The following ERICH6B variants were observed in gnomAD, a reference collection of about 807,000 sequenced individuals.
ERICH6B encodes glutamate-rich protein 6B.
A neutral mutation model predicts 80.0 loss-of-function variants in ERICH6B; 69 were observed. The observed-to-expected ratio is 0.86, with a 90% CI of 0.71 to 1.05. ERICH6B has a LOEUF of 1.05. Ranked by LOEUF, ERICH6B falls within the 50% of genes least tolerant of loss-of-function variation. The probability of loss-of-function intolerance (pLI) is 0.00; values close to 1 mark genes in which losing one functional copy is unlikely to be tolerated. For synonymous variants in ERICH6B, 283 were observed against 291.9 expected, an observed-to-expected ratio of 0.97 and a Z score of 0.31; for missense variants, 754 against 796.1, an observed-to-expected ratio of 0.95 and a Z score of 0.64.
chr13:45,582,722 G>A (rs1456720752), intron 5 of ERICH6B, among the ~76,000 whole-genome samples: 1 of 152,148 alleles, frequency 6.6e-6, no homozygotes, highest in Non-Finnish European at 1.5e-5. Flanking sequence ...TCAGTTATTA[G>A]TGATGACATC....
Position 45,556,412 on chromosome 13 carries a change from T to C in ERICH6B, c.1407+4957A>G, listed in dbSNP as rs74862534. 4.9e-3 allele frequency among the ~76,000 whole-genome samples: 753 copies of C among 152,332 alleles called. 4 individuals carry two copies. Among genetic ancestry groups the C allele is most frequent in the African/African-American group, 0.017 (724 of 41,570 alleles). On this transcript the variant is annotated intron_variant, in intron 11 of 14. Coordinates refer to ENST00000298738, the MANE Select transcript of ERICH6B (RefSeq NM_182542.3). Reference sequence around the variant, plus strand: ...CACTCTCAATTACTCTAATTTTTTTTCCCATAGGTTTTTGGGGAACAGGTG... The same window carrying C: ...CACTCTCAATTACTCTAATTTTTTTCCCCATAGGTTTTTGGGGAACAGGTG...
intron 9 of ERICH6B, among the ~76,000 whole-genome samples, chr13:45,566,095 C>G (rs147341183): frequency 6.6e-6 from 1 of 152,092 alleles, no homozygotes; most frequent in East Asian, 1.9e-4. Context: ...CATTTTTGCC[C>G]CTGCCCTAGA....
intron 3 of ERICH6B, among the ~76,000 whole-genome samples, chr13:45,594,650 C>A (rs1046886842): frequency 6.6e-6 from 1 of 152,166 alleles, no homozygotes; most frequent in African/African-American, 2.4e-5. Context: ...GATGGTACAT[C>A]TGATTTGATG....
intron 3 of ERICH6B, among the ~76,000 whole-genome samples, chr13:45,591,735 C>T (rs560003903): frequency 3.3e-5 from 5 of 152,224 alleles, no homozygotes; most frequent in African/African-American, 1.2e-4. Flanking sequence ...AAAAACCAAA[C>T]CACACAACAA....
intron 1 of ERICH6B, among the ~76,000 whole-genome samples, chr13:45,612,697 C>A (rs1949906652): frequency 6.6e-6 from 1 of 152,166 alleles, no homozygotes; most frequent in Non-Finnish European, 1.5e-5. Flanking sequence ...GCTGACCTCC[C>A]TAAAGAATCA....
intron 2 of ERICH6B, among the ~76,000 whole-genome samples, chr13:45,603,824 TG>T (rs1314692155): frequency 2.0e-5 from 3 of 152,222 alleles, no homozygotes; most frequent in African/African-American, 7.2e-5. Flanking sequence ...ATTTGTGGTG[TG>T]TGCTGTCTTG....
chr13:45,566,158 A>T (rs1476631749), intron 9 of ERICH6B, among the ~76,000 whole-genome samples: 1 of 152,226 alleles, frequency 6.6e-6, no homozygotes, highest in Non-Finnish European at 1.5e-5. Flanking sequence ...CTGGTGGAAG[A>T]AATTTCTAAG....
chr13:45,593,878 G>A (rs1593323787), intron 3 of ERICH6B, among the ~76,000 whole-genome samples: 1 of 152,328 alleles, frequency 6.6e-6, no homozygotes, highest in East Asian at 1.9e-4. Flanking sequence ...CAGCATGAGA[G>A]ATAAGCCCAT....
chr13:45,588,157 G>A (rs556101267), intron 4 of ERICH6B, among the ~76,000 whole-genome samples: 3 of 152,332 alleles, frequency 2.0e-5, no homozygotes, highest in Non-Finnish European at 4.4e-5. Context: ...TGGGGTAAGG[G>A]CTGGAGTCTG....
Position 45,579,930 on chromosome 13 carries a change from C to T in ERICH6B, c.961+3G>A. 3 of 1,551,840 alleles carry T rather than the reference C, an allele frequency of 1.9e-6. No individual in the cohort carries two copies. Among genetic ancestry groups the T allele is most frequent in the Non-Finnish European group, 1.7e-6 (2 of 1,146,956 alleles). On this transcript the variant is annotated splice_donor_region_variant and intron_variant, in intron 7 of 14. Coordinates refer to ENST00000298738, the MANE Select transcript of ERICH6B (RefSeq NM_182542.3). ...CTTTGGATGCATTATGTCAGATGCT[C>T]ACCATTTTCTTCCTTTTTTTGCTGT... is the stretch of plus-strand genomic sequence containing the variant.
chr13:45,614,411 G>A (rs529544779), intron 1 of ERICH6B, among the ~76,000 whole-genome samples: 10 of 152,258 alleles, frequency 6.6e-5, no homozygotes, highest in Non-Finnish European at 1.2e-4. Context: ...TGTCAGGCAC[G>A]TAGCAGGATT....
chr13:45,560,856 C>T (rs1335531469), intron 11 of ERICH6B, among the ~76,000 whole-genome samples: 1 of 152,162 alleles, frequency 6.6e-6, no homozygotes, highest in Non-Finnish European at 1.5e-5. Context: ...TTTATCCATT[C>T]ACTGTGTGAT....
intron 8 of ERICH6B, among the ~76,000 whole-genome samples, chr13:45,571,456 A>T (rs907962005): frequency 2.0e-5 from 3 of 152,120 alleles, no homozygotes; most frequent in African/African-American, 7.2e-5. Context: ...GCTCATGTGT[A>T]AACACCAGCT....
chr13:45,549,465 C>G (rs948807617), intron 13 of ERICH6B, among the ~76,000 whole-genome samples: 2 of 152,142 alleles, frequency 1.3e-5, no homozygotes, highest in Non-Finnish European at 2.9e-5. Context: ...AACTTAAGAA[C>G]TAACTTCAGT....
chr13:45,546,571 C>T (rs1037108370), intron 13 of ERICH6B, among the ~76,000 whole-genome samples: 1 of 152,184 alleles, frequency 6.6e-6, no homozygotes, highest in African/African-American at 2.4e-5. Flanking sequence ...TTCCAGGGCA[C>T]GTGTACTTTT....
chr13:45,547,079 C>G (rs1257607615), intron 13 of ERICH6B, among the ~76,000 whole-genome samples: 1 of 152,170 alleles, frequency 6.6e-6, no homozygotes, highest in Non-Finnish European at 1.5e-5. Flanking sequence ...CTGGCTGTGC[C>G]ACTTGCAAAC....
intron 13 of ERICH6B, among the ~76,000 whole-genome samples, chr13:45,547,104 C>T (rs1399439054): frequency 2.0e-5 from 3 of 152,174 alleles, no homozygotes; most frequent in Non-Finnish European, 4.4e-5. Flanking sequence ...TGACCTTGGG[C>T]CAGTCACTTA....
At chr13:45,607,430 AT>A in intron 2 of ERICH6B, 133 bp downstream of exon 2, 1 of 152,320 alleles carries the variant, frequency 6.6e-6, no homozygotes, top group Non-Finnish European at 1.5e-5. Flanking sequence ...ATGGAGGTCT[AT>A]TTTGACATGG....
rs543622929 is a variant in ERICH6B, at chr13:45,550,036, T to C, written c.1503A>G (p.Ser501=). 3.4e-5 allele frequency: 52 copies of C among 1,551,854 alleles called. No homozygotes were observed. In the African/African-American group the frequency reaches 6.8e-4, roughly 20 times the overall value. Residue 501 remains serine, a synonymous_variant, in exon 13 of 15, where the codon TCA becomes TCG. Transcript: ENST00000298738. The part of the protein sequence containing the change: ...PDGTGQIHYP[S]GNLAMLILYA... ...ATAAGATGAGCATAGCCAGGTTTCC[T>C]GATGGATAACTGGGAGAAGGTTAAG...
Sources: allele counts gnomAD v4.1 joint callset (sites outside exome capture counted in the v4.1 genomes callset), GRCh38; gene constraint gnomAD v4.1.1; transcripts MANE v1.5; gene names NCBI Gene and HGNC (gene_info 2026-07-23, HGNC 2026-07-21).